The following PCDHGB1 variants were observed in gnomAD, a reference collection of about 807,000 sequenced individuals.
PCDHGB1 encodes the protein protocadherin gamma subfamily B, 1, also known as protocadherin gamma-B1.
PCDHGB1 carries 34 observed loss-of-function variants against 56.6 expected under a neutral mutation model. The ratio of observed to expected loss-of-function variants is 0.60; its 90% CI spans 0.46 to 0.80. The LOEUF (loss-of-function observed/expected upper bound fraction) is 0.80, where lower values mean the gene tolerates loss of function less well. Among genes scored for constraint, PCDHGB1 ranks in the 30% least tolerant of loss-of-function variants. The pLI is 0.00. For synonymous variants in PCDHGB1, 561 were observed against 505.9 expected (o/e 1.11, Z -1.46); for missense variants, 1,278 against 1,204.6 (o/e 1.06, Z -0.90).
chr5:141,415,837 A>G (rs1232795581), intron 1 of PCDHGB1: 1 of 1,272,340 alleles, frequency 7.9e-7, no homozygotes, highest in Admixed American at 4.0e-5. Flanking sequence ...TGTTATGATT[A>G]GCTTTGCAGA....
chr5:141,363,901 T>C (rs1190403839), intron 1 of PCDHGB1, among the ~76,000 whole-genome samples: 2 of 152,240 alleles, frequency 1.3e-5, no homozygotes, highest in African/African-American at 4.8e-5. Context: ...CGATGACGCA[T>C]TAAATAAAAT....
chr5:141,418,517 C>G, intron 1 of PCDHGB1: 1 of 1,613,918 alleles, frequency 6.2e-7, no homozygotes. Flanking sequence ...TGGTGGGGAC[C>G]CTCCCCGAAG....
intron 1 of PCDHGB1, chr5:141,364,541 A>C: frequency 6.2e-7 from 1 of 1,614,130 alleles, no homozygotes; most frequent in African/African-American, 1.3e-5. Flanking sequence ...CTCCAGAGGT[A>C]GGACGCAGCT....
At chr5:141,494,714 C>G in intron 1 of PCDHGB1, 93 bp from the exon 2 acceptor site, 2 of 1,603,958 alleles carry the variant, frequency 1.2e-6, no homozygotes, top group East Asian at 4.5e-5. Context: ...TGTGCCCACT[C>G]CCCTCCTTCT....
chr5:141,370,484 C>T (rs750551260), intron 1 of PCDHGB1: 2 of 1,613,746 alleles, frequency 1.2e-6, no homozygotes, highest in African/African-American at 2.7e-5. Flanking sequence ...AGGCTCTCTC[C>T]GAACCGATCC....
In PCDHGB1 at chr5:141,360,981, T is replaced by A. The variant is rs373943758; in HGVS notation, c.2409+8312T>A. The A allele has an allele frequency of 4.3e-6, 7 of 1,613,656 alleles. No homozygotes were observed. In the African/African-American group the frequency reaches 9.3e-5, roughly 22 times the overall value. ...ACGCAGAGATCACCTACTCCTTTCA[T>A]AATGTGGACGAACAAGTGAAACACT... On this transcript the variant is annotated intron_variant, in intron 1 of 3. Coordinates refer to ENST00000523390, the MANE Select transcript of PCDHGB1 (RefSeq NM_018922.3).
intron 1 of PCDHGB1, chr5:141,421,623 C>T: frequency 6.2e-7 from 1 of 1,613,810 alleles, no homozygotes. Flanking sequence ...ATAACGCCCC[C>T]AGCTTCCAGG....
chr5:141,503,608 A>G (rs1451651299), intron 2 of PCDHGB1, among the ~76,000 whole-genome samples: 3 of 151,994 alleles, frequency 2.0e-5, no homozygotes, highest in South Asian at 2.1e-4. Flanking sequence ...CAAAAAAAAA[A>G]AAAAAAGAAA....
intron 1 of PCDHGB1, chr5:141,405,433 T>G (rs539486666): frequency 2.0e-6 from 3 of 1,471,752 alleles, no homozygotes; most frequent in Admixed American, 3.9e-5. Flanking sequence ...TTTTGTTTTG[T>G]TTTTGAGACA....
intron 1 of PCDHGB1, chr5:141,413,489 G>A (rs937434384): frequency 1.9e-6 from 3 of 1,614,036 alleles, no homozygotes; most frequent in Admixed American, 1.7e-5. Context: ...CAGAGCGCGC[G>A]GTGCGTGGTG....
chr5:141,373,347 G>A (rs1769499263), intron 1 of PCDHGB1, among the ~76,000 whole-genome samples: 1 of 152,178 alleles, frequency 6.6e-6, no homozygotes. Context: ...GGCAACTCTT[G>A]TAATGGGCAC....
intron 1 of PCDHGB1, among the ~76,000 whole-genome samples, chr5:141,472,274 G>A (rs1170341842): frequency 6.6e-6 from 1 of 152,176 alleles, no homozygotes; most frequent in Admixed American, 6.5e-5. Flanking sequence ...GGGCACAGTG[G>A]CTCACACCTG....
At chr5:141,384,214 T>A in intron 1 of PCDHGB1, 1 of 1,613,874 alleles carries the variant, frequency 6.2e-7, no homozygotes, top group Non-Finnish European at 8.5e-7. Flanking sequence ...AACTCACATA[T>A]TCATGCAGGT....
chr5:141,376,646 G>A (rs1394499987), intron 1 of PCDHGB1: 17 of 1,002,858 alleles, frequency 1.7e-5, no homozygotes, highest in Non-Finnish European at 2.3e-5. Flanking sequence ...TTTGTAAAGT[G>A]GAAGACTCCC....
intron 1 of PCDHGB1, among the ~76,000 whole-genome samples, chr5:141,457,827 C>T (rs1300495115): frequency 2.0e-5 from 3 of 152,204 alleles, no homozygotes; most frequent in Admixed American, 6.5e-5. Context: ...AAACTCAGAG[C>T]TTCCAGACCT....
chr5:141,418,125 G>T (rs765373450), intron 1 of PCDHGB1: 7 of 1,613,968 alleles, frequency 4.3e-6, no homozygotes, highest in African/African-American at 2.7e-5. Flanking sequence ...GTGAAGGACC[G>T]AATAGACCGT....
intron 1 of PCDHGB1, chr5:141,360,604 G>C (rs762984696): frequency 6.2e-7 from 1 of 1,613,982 alleles, no homozygotes; most frequent in Non-Finnish European, 8.5e-7. Context: ...ACTTGACCCA[G>C]CCCTGGATTC....
At chr5:141,384,888 T>C in intron 1 of PCDHGB1, 2 of 1,613,854 alleles carry the variant, frequency 1.2e-6, no homozygotes, top group Non-Finnish European at 1.7e-6. Context: ...TCACCGTGGC[T>C]GTGGCTGACA....
intron 1 of PCDHGB1, chr5:141,365,375 C>T (rs752434944): frequency 5.0e-6 from 8 of 1,613,824 alleles, no homozygotes; most frequent in African/African-American, 4.0e-5. Flanking sequence ...CGAAGTGATC[C>T]TCACCTCTCT....
Sources: allele counts gnomAD v4.1 joint callset (sites outside exome capture counted in the v4.1 genomes callset), GRCh38; gene constraint gnomAD v4.1.1; transcripts MANE v1.5; gene names NCBI Gene and HGNC (gene_info 2026-07-23, HGNC 2026-07-21).